The following PPM1D variants were observed in gnomAD, a reference collection of about 807,000 sequenced individuals.
PPM1D encodes protein phosphatase 1D.
Under a neutral mutation model 58.3 loss-of-function variants are expected in PPM1D, and 52 were observed. The observed-to-expected ratio is 0.89, with a 90% confidence interval of 0.71 to 1.12. PPM1D has a LOEUF of 1.12. PPM1D is among the 50% of genes most tolerant of loss of function. The pLI is 0.00. For synonymous variants in PPM1D, 278 were observed against 285.1 expected (o/e 0.98, Z 0.25); for missense variants, 564 against 777.2 (o/e 0.73, Z 3.26).
chr17:60,634,586 C>T (rs1014373668), intron 3 of PPM1D, among the ~76,000 whole-genome samples: 1 of 152,060 alleles, frequency 6.6e-6, no homozygotes, highest in Admixed American at 6.6e-5. Flanking sequence ...CCTTAATAGT[C>T]CTCCTGAGAG....
In PPM1D at chr17:60,666,165, G is replaced by C. The variant is rs1278246757; in HGVS notation, c.*2613G>C. 2.0e-5 allele frequency: 3 copies of C among 152,012 alleles called. No homozygotes were observed. The highest frequency in any genetic ancestry group is 4.4e-5 in the Non-Finnish European group (3 of 67,998). The allele number at this position is 152,012 out of a possible 1,614,324, so 9.4% of individuals were successfully genotyped here. A position where few individuals can be genotyped will look rare whatever the true frequency, so the allele number is the denominator to read the frequency against. ...GTAGGGTGTGCAATAGTTATGTTTT[G>C]GTAATAGCATTAATGAACAATGTTA... On this transcript the variant is annotated 3_prime_UTR_variant, in exon 6 of 6. Coordinates refer to ENST00000305921, the MANE Select transcript of PPM1D (RefSeq NM_003620.4).
At chr17:60,650,806 G>A (rs570004113) in intron 4 of PPM1D, among the ~76,000 whole-genome samples, 1 of 151,976 alleles carries the variant, frequency 6.6e-6, no homozygotes, top group South Asian at 2.1e-4. Context: ...AAATATTTGA[G>A]AGAGAGGGGT....
chr17:60,623,050 G>T lies in PPM1D; in HGVS notation c.473-471G>T, dbSNP rs1317271166. On this transcript the variant is annotated intron_variant, in intron 1 of 5. Transcript: ENST00000305921. ...AGGCAGAGGTTGCACTCCAGCCTGGGTGACAGAGTAAGACTCAATCTAAAA... is the reference window on the plus strand; with the variant it reads ...AGGCAGAGGTTGCACTCCAGCCTGGTTGACAGAGTAAGACTCAATCTAAAA... 3.3e-5 allele frequency among the ~76,000 whole-genome samples: 5 copies of T among 152,280 alleles called. No homozygotes were observed. In the East Asian group the frequency reaches 7.7e-4, roughly 23 times the overall value.
chr17:60,624,052 C>G (rs940521792), intron 2 of PPM1D, among the ~76,000 whole-genome samples: 2 of 152,158 alleles, frequency 1.3e-5, no homozygotes, highest in African/African-American at 2.4e-5. Context: ...CGGAGCAGCT[C>G]TTGGAGTTCC....
At chr17:60,613,890 G>GCCCCCCCCCCCCCCCCCCCCCC (rs61669650) in intron 1 of PPM1D, among the ~76,000 whole-genome samples, 2 of 137,368 alleles carry the variant, frequency 1.5e-5, no homozygotes, top group African/African-American at 5.9e-5. Context: ...CATACCTGAG[G>GCCCCCCCCCCCCCCCCCCCCCC]CCCCCCCCCC....
rs2031567488 is a variant in PPM1D at position 60,663,445 on chromosome 17, C to T, written c.1711C>T (p.Gln571Ter). The T allele has an allele frequency of 3.1e-6, 5 of 1,614,040 alleles. No individual in the cohort carries two copies. Among genetic ancestry groups the T allele is most frequent in the African/African-American group, 1.3e-5 (1 of 74,922 alleles). ...AQPASLPTTS[Q>*]RKNSVKLTMR... ...GCCTGCAAGTCTCCCCACAACCTCA[C>T]AGCGAAAGAACTCTGTTAAACTCAC... Residue 571 changes from glutamine (Q) to a stop codon, truncating the protein, a stop_gained, in exon 6 of 6, where the codon CAG becomes TAG. Transcript: ENST00000305921. LOFTEE classifies it high-confidence loss of function.
intron 3 of PPM1D, among the ~76,000 whole-genome samples, chr17:60,637,939 T>A (rs2031057627): frequency 6.6e-6 from 1 of 152,106 alleles, no homozygotes; most frequent in East Asian, 1.9e-4. Flanking sequence ...ACTGTTGTCA[T>A]TTAGGTGGAG....
chr17:60,618,876 T>A (rs1468834743), intron 1 of PPM1D, among the ~76,000 whole-genome samples: 2 of 152,214 alleles, frequency 1.3e-5, no homozygotes, highest in African/African-American at 2.4e-5. Context: ...ATCCATCACC[T>A]CACATAGTTA....
intron 1 of PPM1D, among the ~76,000 whole-genome samples, chr17:60,603,850 A>G (rs1320166738): frequency 6.6e-6 from 1 of 152,262 alleles, no homozygotes; most frequent in East Asian, 1.9e-4. Flanking sequence ...AAGAAATAGC[A>G]GCCCCACATG....
At chr17:60,657,173 A>T in intron 5 of PPM1D, 5 of 992,456 alleles carry the variant, frequency 5.0e-6, no homozygotes, top group Non-Finnish European at 6.4e-6. Context: ...AGTAGAGCTA[A>T]TGTTATTATT....
chr17:60,610,404 A>G (rs2030431162), intron 1 of PPM1D, among the ~76,000 whole-genome samples: 1 of 152,156 alleles, frequency 6.6e-6, no homozygotes, highest in African/African-American at 2.4e-5. Context: ...TCACTTATGG[A>G]TAGTATAAAT....
At chr17:60,635,424 A>C (rs2031005061) in intron 3 of PPM1D, among the ~76,000 whole-genome samples, 3 of 152,180 alleles carry the variant, frequency 2.0e-5, no homozygotes, top group African/African-American at 4.8e-5. Context: ...TATGTTGGTC[A>C]GACTGGTCTT....
chr17:60,639,333 A>G (rs966729855), intron 3 of PPM1D, among the ~76,000 whole-genome samples: 1 of 152,002 alleles, frequency 6.6e-6, no homozygotes, highest in Admixed American at 6.6e-5. Flanking sequence ...CTTGGTCTCT[A>G]ACTCCTAACC....
At chr17:60,602,779 G>GAAAA (rs34932283) in intron 1 of PPM1D, among the ~76,000 whole-genome samples, 6 of 95,736 alleles carry the variant, frequency 6.3e-5, no homozygotes, top group East Asian at 5.9e-4. Context: ...CTCAAAGCTT[G>GAAAA]AAAAAAAAAA....
intron 1 of PPM1D, among the ~76,000 whole-genome samples, chr17:60,605,546 T>A (rs977255710): frequency 8.0e-5 from 12 of 150,882 alleles, no homozygotes; most frequent in African/African-American, 3.0e-4. Context: ...TAAATGGACT[T>A]TCTTCCATTT....
chr17:60,609,296 TGTTGG>T (rs1567964459), intron 1 of PPM1D, among the ~76,000 whole-genome samples: 5 of 151,834 alleles, frequency 3.3e-5, no homozygotes, highest in Non-Finnish European at 4.4e-5. Context: ...GGTTTCACCA[TGTTGG>T]CCAGGCTGGT....
At chr17:60,660,445 C>T (rs893802917) in intron 5 of PPM1D, among the ~76,000 whole-genome samples, 5 of 151,900 alleles carry the variant, frequency 3.3e-5, no homozygotes, top group Non-Finnish European at 5.9e-5. Context: ...GTCCTAAAGT[C>T]TATATATATA....
chr17:60,645,824 A>G (rs1426244075), intron 3 of PPM1D, among the ~76,000 whole-genome samples: 1 of 151,522 alleles, frequency 6.6e-6, no homozygotes, highest in Non-Finnish European at 1.5e-5. Flanking sequence ...TGGTTTTCAT[A>G]CTATGCGAAT....
intron 4 of PPM1D, among the ~76,000 whole-genome samples, chr17:60,652,963 C>G (rs1488299980): frequency 6.6e-6 from 1 of 152,136 alleles, no homozygotes; most frequent in Non-Finnish European, 1.5e-5. Context: ...TGTGGGTTCT[C>G]TCTTCACTTT....
Sources: allele counts gnomAD v4.1 joint callset (sites outside exome capture counted in the v4.1 genomes callset), GRCh38; gene constraint gnomAD v4.1.1; transcripts MANE v1.5; gene names NCBI Gene and HGNC (gene_info 2026-07-23, HGNC 2026-07-21).